The following NRXN1 variants were observed in gnomAD, a reference collection of about 807,000 sequenced individuals.
NRXN1 encodes neurexin 1.
A neutral mutation model predicts 150.9 loss-of-function variants in NRXN1; 39 were observed. The ratio of observed to expected loss-of-function variants is 0.26; its 90% confidence interval spans 0.20 to 0.34. NRXN1 has a LOEUF of 0.34. Among genes scored for constraint, NRXN1 ranks in the 10% least tolerant of loss-of-function variants. The probability of loss-of-function intolerance (pLI) is 1.00; values close to 1 mark genes in which losing one functional copy is unlikely to be tolerated. For synonymous variants in NRXN1, 924 were observed against 757.0 expected, an observed-to-expected ratio of 1.22 and a Z score of -3.62; for missense variants, 1,815 against 1,949.9, an observed-to-expected ratio of 0.93 and a Z score of 1.30.
intron 12 of NRXN1, among the ~76,000 whole-genome samples, chr2:50,525,652 C>A (rs1416825695): frequency 6.6e-6 from 1 of 152,194 alleles, no homozygotes; most frequent in Non-Finnish European, 1.5e-5. Context: ...CTGTAATCTG[C>A]AAGATCAAAA....
At chr2:50,724,111 C>G (rs1301802575) in intron 5 of NRXN1, among the ~76,000 whole-genome samples, 1 of 152,132 alleles carries the variant, frequency 6.6e-6, no homozygotes, top group Non-Finnish European at 1.5e-5. Context: ...TGTGCTTAAT[C>G]ATAAGATCCT....
chr2:50,825,533 T>G (rs976428980), intron 5 of NRXN1, among the ~76,000 whole-genome samples: 3 of 152,240 alleles, frequency 2.0e-5, no homozygotes, highest in African/African-American at 7.2e-5. Flanking sequence ...GTCAGGGAGC[T>G]TCCTGACAGC....
intron 5 of NRXN1, among the ~76,000 whole-genome samples, chr2:50,816,219 C>G (rs1668909458): frequency 6.6e-6 from 1 of 151,986 alleles, no homozygotes; most frequent in Non-Finnish European, 1.5e-5. Context: ...TGGCCATTAT[C>G]TATTATGCCC....
At chr2:50,529,760 C>A (rs2093050360) in intron 11 of NRXN1, among the ~76,000 whole-genome samples, 1 of 152,120 alleles carries the variant, frequency 6.6e-6, no homozygotes, top group South Asian at 2.1e-4. Context: ...TTACTGCATG[C>A]AATTAGGCGA....
At chr2:50,535,956 TA>T (rs954129320) in intron 10 of NRXN1, among the ~76,000 whole-genome samples, 10 of 152,078 alleles carry the variant, frequency 6.6e-5, no homozygotes, top group African/African-American at 2.2e-4. Context: ...AAAGTTCTCT[TA>T]AAAAAAGAAA....
intron 21 of NRXN1, among the ~76,000 whole-genome samples, chr2:50,007,038 G>C (rs1684880232): frequency 6.6e-6 from 1 of 152,098 alleles, no homozygotes; most frequent in African/African-American, 2.4e-5. Context: ...ACAAGTGTAA[G>C]TTTCTGTGCT....
At chr2:50,511,749 A>G (rs1026496512) in intron 12 of NRXN1, among the ~76,000 whole-genome samples, 2 of 152,152 alleles carry the variant, frequency 1.3e-5, no homozygotes, top group East Asian at 1.9e-4. Context: ...GTTAGCAAGT[A>G]TATGTGTGTA....
intron 2 of NRXN1, among the ~76,000 whole-genome samples, chr2:51,003,224 T>G (rs184292211): frequency 6.6e-6 from 1 of 152,054 alleles, no homozygotes; most frequent in Non-Finnish European, 1.5e-5. Flanking sequence ...AAAGTAAAAT[T>G]ATTGTTATCA....
At chr2:50,016,248 G>T (rs13003111) in intron 21 of NRXN1, among the ~76,000 whole-genome samples, 25,940 of 151,974 alleles carry the variant, frequency 0.17, 2,557 homozygotes, top group East Asian at 0.36. Context: ...GGATAAGACC[G>T]AGGGTTTCAA....
Position 50,495,985 on chromosome 2 carries a change from G to A in NRXN1, c.2990C>T (p.Thr997Ile), listed in dbSNP as rs1357333787. 1.9e-6 allele frequency: 3 copies of A among 1,613,342 alleles called. No individual in the cohort carries two copies. Among genetic ancestry groups the A allele is most frequent in the Non-Finnish European group, 2.5e-6 (3 of 1,179,650 alleles). The change falls in exon 15 of 23, where the codon ACC becomes ATC. Residue 997 changes from threonine to isoleucine, a missense_variant. Thr to Ile is a moderately conservative substitution (Grantham distance 89). This residue lies in a region of NRXN1 where 339 missense variants were observed against 440.3 expected (regional missense o/e 0.77). Coordinates refer to ENST00000401669, the MANE Select transcript of NRXN1 (RefSeq NM_001330078.2). ...QWHNVMISRD[T>I]SNLHTVKIDT... ...AATCTTTACAGTGTGGAGGTTGCTG[G>A]TGTCCCTTGATATCATCACGTTGTG...
At chr2:50,243,640 G>A (rs549190818) in intron 17 of NRXN1, among the ~76,000 whole-genome samples, 8 of 151,804 alleles carry the variant, frequency 5.3e-5, no homozygotes, top group Non-Finnish European at 1.0e-4. Flanking sequence ...AAAGATTCTT[G>A]AACTCTTGCA....
intron 18 of NRXN1, among the ~76,000 whole-genome samples, chr2:50,118,431 C>T (rs1703379007): frequency 6.6e-6 from 1 of 150,428 alleles, no homozygotes; most frequent in Non-Finnish European, 1.5e-5. Flanking sequence ...ATTTCTCTGT[C>T]TCCTGGTTTC....
intron 5 of NRXN1, among the ~76,000 whole-genome samples, chr2:50,871,352 C>T (rs1420787731): frequency 6.6e-6 from 1 of 151,840 alleles, no homozygotes; most frequent in African/African-American, 2.4e-5. Flanking sequence ...CACTAATTAG[C>T]TGACAATTAT....
intron 5 of NRXN1, among the ~76,000 whole-genome samples, chr2:50,697,158 TA>T (rs1693023674): frequency 6.6e-6 from 1 of 152,178 alleles, no homozygotes; most frequent in Admixed American, 6.5e-5. Context: ...AGAAATAAAA[TA>T]TACTTTACAG....
At chr2:50,362,746 T>C (rs2079311032) in intron 17 of NRXN1, among the ~76,000 whole-genome samples, 1 of 152,168 alleles carries the variant, frequency 6.6e-6, no homozygotes. Context: ...AAAAGTACTT[T>C]AAATTTCATA....
intron 5 of NRXN1, among the ~76,000 whole-genome samples, chr2:50,639,493 T>C (rs867952063): frequency 1.3e-5 from 2 of 152,014 alleles, no homozygotes; most frequent in Non-Finnish European, 2.9e-5. Flanking sequence ...AGTGCTAAGA[T>C]TATAGGTGTA....
chr2:50,615,299 T>C (rs893691995), intron 8 of NRXN1: 1 of 152,196 alleles, frequency 6.6e-6, no homozygotes, highest in African/African-American at 2.4e-5. Flanking sequence ...GTCTCCACTC[T>C]GATTGTAAAA....
chr2:50,293,882 T>C (rs1201613386), intron 17 of NRXN1, among the ~76,000 whole-genome samples: 2 of 152,202 alleles, frequency 1.3e-5, no homozygotes, highest in Non-Finnish European at 2.9e-5. Context: ...GAAGGTTTCC[T>C]GTGTTTTCTC....
intron 17 of NRXN1, among the ~76,000 whole-genome samples, chr2:50,337,166 A>C (rs2077245561): frequency 6.7e-6 from 1 of 150,214 alleles, no homozygotes. Context: ...GCTCACTGCA[A>C]CCTCTGCCTC....
Sources: allele counts gnomAD v4.1 joint callset (sites outside exome capture counted in the v4.1 genomes callset), GRCh38; gene constraint gnomAD v4.1.1; regional missense constraint gnomAD v4.1.1; transcripts MANE v1.5; gene names NCBI Gene and HGNC (gene_info 2026-07-23, HGNC 2026-07-21).